Variants in PHF8 observed in about 807,000 individuals in gnomAD.
PHF8 encodes PHD finger protein 8.
PHF8 carries 9 observed loss-of-function variants against 74.4 expected under a neutral mutation model. The observed-to-expected ratio is 0.12, with a 90% confidence interval of 0.07 to 0.21. The LOEUF is 0.21. Ranked by LOEUF, PHF8 falls within the 10% of genes least tolerant of loss-of-function variation. PHF8 has a pLI of 1.00. For missense variants in PHF8, 478 were observed against 816.6 expected (o/e 0.59, Z 5.05); for synonymous variants, 311 against 316.6 (o/e 0.98, Z 0.19).
chrX:54,042,740 C>A lies in PHF8; in HGVS notation c.-12G>T. 3 of 1,203,705 alleles carry A rather than the reference C, an allele frequency of 2.5e-6. No homozygotes were observed. The South Asian group carries it at 5.4e-5, about 22-fold the overall frequency. ...GGCACCGAGGCCATCTTCGCTCGGC[C>A]CTGGAGCGTTCTGCGGCCGGCCAGG... is the stretch of plus-strand genomic sequence containing the variant. On this transcript the variant is annotated 5_prime_UTR_variant, in exon 2 of 22. Transcript: ENST00000338154.
chrX:54,022,624 C>T, intron 3 of PHF8, 134 bp downstream of exon 3: 2 of 507,944 alleles, frequency 3.9e-6, no homozygotes, highest in Non-Finnish European at 7.0e-6. Context: ...CCTGTGGAGC[C>T]TGCATAGGCT....
At chrX:54,011,345 G>C in intron 7 of PHF8, 61 bp from the exon 8 acceptor site, 6 of 967,426 alleles carry the variant, frequency 6.2e-6, no homozygotes, top group Non-Finnish European at 7.4e-6. Context: ...AGTCCTTAAC[G>C]GGTACTCCAA....
chrX:53,939,630 T>C (rs1190924862), intron 21 of PHF8, among the ~76,000 whole-genome samples: 1 of 111,148 alleles, frequency 9.0e-6, no homozygotes, highest in Non-Finnish European at 1.9e-5. Context: ...GTCCCTGAAG[T>C]TGCCATCCCT....
chrX:53,987,435 C>T (rs1557099890), intron 15 of PHF8, among the ~76,000 whole-genome samples: 1 of 111,803 alleles, frequency 8.9e-6, no homozygotes, highest in African/African-American at 3.2e-5. Context: ...AAGGGCTGGG[C>T]GTGGTGGCTT....
chrX:54,021,993 A>G (rs2066185956), intron 4 of PHF8, among the ~76,000 whole-genome samples: 1 of 111,931 alleles, frequency 8.9e-6, no homozygotes, highest in African/African-American at 3.3e-5. Context: ...CTTCTCTATG[A>G]GAGAATTAAA....
chrX:54,007,503 A>G (rs1031797660), intron 8 of PHF8, among the ~76,000 whole-genome samples: 4 of 112,373 alleles, frequency 3.6e-5, no homozygotes, highest in African/African-American at 1.3e-4. Flanking sequence ...TGCAAATCAC[A>G]TATCTGGTAA....
chrX:54,042,946 G>A (rs1285072765), intron 1 of PHF8, 126 bp from the exon 2 acceptor site: 2 of 571,921 alleles, frequency 3.5e-6, no homozygotes, highest in Non-Finnish European at 5.2e-6. Context: ...GGCTGTAGGG[G>A]GCAACCAGAG....
intron 11 of PHF8, among the ~76,000 whole-genome samples, chrX:53,998,252 G>C (rs782577673): frequency 9.1e-6 from 1 of 110,125 alleles, no homozygotes; most frequent in Non-Finnish European, 1.9e-5. Flanking sequence ...TCAGGAGTTC[G>C]AGACCAGCCT....
Position 53,938,996 on chromosome X carries a change from A to G in PHF8, c.*162T>C, listed in dbSNP as rs2064708784. The stretch of plus-strand genomic sequence containing the variant: ...TAGTGAAAGTGGGGAAGGGAACTAG[A>G]AGGAGTCGGTGGAGGGGTCCGTGCC... On this transcript the variant is annotated 3_prime_UTR_variant, in exon 22 of 22. Coordinates refer to ENST00000338154, the MANE Select transcript of PHF8 (RefSeq NM_015107.3). 3.9e-6 allele frequency: 4 copies of G among 1,038,224 alleles called. No individual in the cohort carries two copies. The highest frequency in any genetic ancestry group is 4.9e-6 in the Non-Finnish European group (4 of 812,012). 85.6% of individuals were successfully genotyped at this position (1,038,224 alleles called of 1,213,427 possible).
chrX:54,028,646 C>T (rs1173824827), intron 2 of PHF8, among the ~76,000 whole-genome samples: 1 of 111,457 alleles, frequency 9.0e-6, no homozygotes, highest in Non-Finnish European at 1.9e-5. Flanking sequence ...ACTTCAAATT[C>T]AACATGTCCA....
intron 19 of PHF8, among the ~76,000 whole-genome samples, chrX:53,960,004 T>C (rs1420241329): frequency 1.8e-5 from 2 of 110,706 alleles, no homozygotes; most frequent in Non-Finnish European, 3.8e-5. Flanking sequence ...AGGTTGTCTC[T>C]TGGGAACGGG....
chrX:54,007,863 A>T (rs1260621740), intron 8 of PHF8, among the ~76,000 whole-genome samples: 1 of 112,009 alleles, frequency 8.9e-6, no homozygotes, highest in Non-Finnish European at 1.9e-5. Context: ...AAAAAGTTAA[A>T]CACAGAGTTA....
intron 18 of PHF8, among the ~76,000 whole-genome samples, chrX:53,976,629 T>C (rs782537457): frequency 2.5e-5 from 2 of 80,952 alleles, no homozygotes; most frequent in East Asian, 7.4e-4. Context: ...CCCATCTCCA[T>C]AAAAATAAAA....
intron 1 of PHF8, 48 bp downstream of exon 1, chrX:54,043,714 G>A: frequency 4.4e-6 from 2 of 450,194 alleles, no homozygotes; most frequent in Non-Finnish European, 5.5e-6. Context: ...GTACCTCACA[G>A]TATATCCTAA....
chrX:53,979,778 T>C (rs1306494182), intron 18 of PHF8, among the ~76,000 whole-genome samples: 2 of 112,063 alleles, frequency 1.8e-5, no homozygotes, highest in Non-Finnish European at 3.8e-5. Flanking sequence ...AAAAAAAATC[T>C]TTTAAAGTAA....
chrX:53,949,758 G>A (rs1365181800), intron 19 of PHF8, among the ~76,000 whole-genome samples: 1 of 100,518 alleles, frequency 9.9e-6, no homozygotes, highest in Non-Finnish European at 2.0e-5. Context: ...CTTGCAGTGA[G>A]CGGAGATCGC....
intron 18 of PHF8, among the ~76,000 whole-genome samples, chrX:53,976,505 A>G (rs1283229597): frequency 9.1e-6 from 1 of 109,759 alleles, no homozygotes; most frequent in Non-Finnish European, 1.9e-5. Flanking sequence ...GATCCATTAA[A>G]TTGACACAAT....
rs2065580025 is a variant in PHF8, at chrX:53,987,224, A to G, written c.1910-61T>C. ...TGATTAGCATTTCAGCCAAATACCC[A>G]GAAGAAAAAAATAAGACTAATTTTC... On this transcript the variant is annotated intron_variant, in intron 15 of 21. Coordinates refer to ENST00000338154, the MANE Select transcript of PHF8 (RefSeq NM_015107.3). 3 of 734,821 alleles carry G rather than the reference A, an allele frequency of 4.1e-6. No homozygotes were observed. In the Admixed American group the frequency reaches 7.0e-5, roughly 17 times the overall value. 60.6% of individuals were successfully genotyped at this position (734,821 alleles called of 1,213,427 possible).
upstream of PHF8, chrX:54,044,945 T>TC (rs782735230): frequency 3.7e-5 from 39 of 1,049,195 alleles, no homozygotes; most frequent in East Asian, 1.3e-3. Context: ...TGTTGGTTCT[T>TC]CCCCCTGTGA....
Sources: allele counts gnomAD v4.1 joint callset (sites outside exome capture counted in the v4.1 genomes callset), GRCh38; gene constraint gnomAD v4.1.1; transcripts MANE v1.5; gene names NCBI Gene and HGNC (gene_info 2026-07-23, HGNC 2026-07-21).